SRGAP3: variants seen among roughly 807,000 people sequenced by gnomAD.
SRGAP3 encodes SLIT-ROBO Rho GTPase-activating protein 3.
A neutral mutation model predicts 121.1 loss-of-function variants in SRGAP3; 39 were observed. The ratio of observed to expected loss-of-function variants is 0.32; its 90% confidence interval spans 0.25 to 0.42. The LOEUF is 0.42. SRGAP3 is among the 10% of genes least tolerant of loss of function. SRGAP3 has a pLI of 1.00. For synonymous variants in SRGAP3, 601 were observed against 570.0 expected (o/e 1.05, Z -0.77); for missense variants, 1,213 against 1,470.6 (o/e 0.82, Z 2.86).
intron 2 of SRGAP3, among the ~76,000 whole-genome samples, chr3:9,111,025 G>A (rs1371796883): frequency 1.3e-5 from 2 of 152,236 alleles, no homozygotes; most frequent in Non-Finnish European, 2.9e-5. Flanking sequence ...GGGCTTAAAT[G>A]CCAGAAGAGA....
chr3:9,141,851 G>A (rs138383363), intron 1 of SRGAP3, among the ~76,000 whole-genome samples: 1 of 152,268 alleles, frequency 6.6e-6, no homozygotes, highest in Non-Finnish European at 1.5e-5. Context: ...GAGGATAGAT[G>A]GAGGCTGGCA....
intron 1 of SRGAP3, among the ~76,000 whole-genome samples, chr3:9,232,766 G>A (rs114123110): frequency 6.4e-4 from 98 of 152,252 alleles, no homozygotes; most frequent in African/African-American, 2.4e-3. Context: ...TGATTCAGTA[G>A]GTCTGGGGTG....
At chr3:9,038,831 C>A (rs1190490908) in intron 10 of SRGAP3, among the ~76,000 whole-genome samples, 1 of 152,166 alleles carries the variant, frequency 6.6e-6, no homozygotes, top group Non-Finnish European at 1.5e-5. Flanking sequence ...CTAGCATCAC[C>A]AATCTCCTCT....
chr3:9,176,307 A>G (rs1048735029), intron 1 of SRGAP3, among the ~76,000 whole-genome samples: 2 of 152,242 alleles, frequency 1.3e-5, no homozygotes, highest in African/African-American at 2.4e-5. Context: ...GGCTATGATG[A>G]GATGGCATGA....
chr3:8,999,050 C>T (rs1216295423), intron 18 of SRGAP3, among the ~76,000 whole-genome samples: 1 of 152,212 alleles, frequency 6.6e-6, no homozygotes, highest in Non-Finnish European at 1.5e-5. Flanking sequence ...TATAGATATA[C>T]AATGCTCTGT....
At chr3:9,139,242 T>C (rs891161826) in intron 1 of SRGAP3, among the ~76,000 whole-genome samples, 2 of 152,244 alleles carry the variant, frequency 1.3e-5, no homozygotes, top group Non-Finnish European at 2.9e-5. Context: ...GGCTGAATAA[T>C]GACCCCCAAG....
At chr3:9,136,681 G>A (rs1949677005) in intron 1 of SRGAP3, among the ~76,000 whole-genome samples, 2 of 152,342 alleles carry the variant, frequency 1.3e-5, no homozygotes, top group South Asian at 4.1e-4. Flanking sequence ...TTTTACAGAT[G>A]AGGAAATTGA....
In SRGAP3 at chr3:9,249,368, A is replaced by G. The variant is rs564426508; in HGVS notation, c.-417T>C. On this transcript the variant is annotated 5_prime_UTR_variant, in exon 1 of 22. It removes an upstream start codon present in the reference 5' UTR. Transcript: ENST00000383836. ...ACACAGTTGTGCTGTGCACACAGGCATACACACACACACCCTCACACGCAC... is the reference window on the plus strand; with the variant it reads ...ACACAGTTGTGCTGTGCACACAGGCGTACACACACACACCCTCACACGCAC... 1.1e-5 allele frequency: 4 copies of G among 366,408 alleles called. No homozygotes were observed. In the East Asian group the frequency reaches 1.8e-4, roughly 16 times the overall value. The allele number at this position is 366,408 out of a possible 1,614,324, so 22.7% of individuals were successfully genotyped here. A position where few individuals can be genotyped will look rare whatever the true frequency, so the allele number is the denominator to read the frequency against.
intron 2 of SRGAP3, among the ~76,000 whole-genome samples, chr3:9,105,176 T>G (rs1575080622): frequency 6.6e-6 from 1 of 152,232 alleles, no homozygotes. Flanking sequence ...TTTTTAAATA[T>G]TATACTTGTA....
rs112701214 is a variant in SRGAP3 at position 9,227,923 on chromosome 3, G to A, written c.67+20962C>T. 1.0e-3 allele frequency among the ~76,000 whole-genome samples: 159 copies of A among 152,280 alleles called. 1 individual carries two copies. The highest frequency in any genetic ancestry group is 3.8e-3 in the African/African-American group (157 of 41,566). On this transcript the variant is annotated intron_variant, in intron 1 of 21. Coordinates refer to ENST00000383836, the MANE Select transcript of SRGAP3 (RefSeq NM_014850.4). ...AAAGGTTTTACTGGAAGTAATGACA[G>A]GGAGTCTCCATGGTGAAGTTTGAAA... is the stretch of plus-strand genomic sequence containing the variant.
At chr3:9,030,221 T>C (rs1437525825) in intron 12 of SRGAP3, among the ~76,000 whole-genome samples, 1 of 152,198 alleles carries the variant, frequency 6.6e-6, no homozygotes, top group Non-Finnish European at 1.5e-5. Flanking sequence ...CACACCTTTT[T>C]TCCCAGTCAA....
chr3:9,078,239 A>G (rs753170669), intron 4 of SRGAP3, among the ~76,000 whole-genome samples: 2 of 152,132 alleles, frequency 1.3e-5, no homozygotes, highest in Non-Finnish European at 2.9e-5. Flanking sequence ...TCACAGCAAA[A>G]GTAAGAGACC....
intron 1 of SRGAP3, among the ~76,000 whole-genome samples, chr3:9,140,122 T>TACACACACAC (rs35572227): frequency 2.9e-4 from 40 of 140,118 alleles, no homozygotes; most frequent in African/African-American, 9.5e-4. Flanking sequence ...CTCAGAGGCA[T>TACACACACAC]ACACACACAC....
chr3:9,152,278 A>G (rs1048623262), intron 1 of SRGAP3, among the ~76,000 whole-genome samples: 2 of 152,228 alleles, frequency 1.3e-5, no homozygotes, highest in Non-Finnish European at 2.9e-5. Context: ...ATGTTGGCAT[A>G]ACATGATCCA....
chr3:8,994,371 G>C lies in SRGAP3; in HGVS notation c.2380C>G (p.Pro794Ala). The change falls in exon 19 of 22, where the codon CCC (proline) becomes GCC (alanine). Residue 794 changes from proline to alanine, a missense_variant. Coordinates refer to ENST00000383836, the MANE Select transcript of SRGAP3 (RefSeq NM_014850.4). ...TCCTGTACAACTATGTACTGATGGGGGATGAGTCCATCCACGCCGTTGTGC... is the reference window on the plus strand; with the variant it reads ...TCCTGTACAACTATGTACTGATGGGCGATGAGTCCATCCACGCCGTTGTGC... ...GRHNGVDGLI[P>A]HQYIVVQDMD... is the part of the protein sequence containing the mutation. The C allele has an allele frequency of 1.9e-6, 3 of 1,614,164 alleles. No individual in the cohort carries two copies. The highest frequency in any genetic ancestry group is 1.7e-6 in the Non-Finnish European group (2 of 1,180,048).
intron 5 of SRGAP3, 129 bp downstream of exon 5, chr3:9,064,267 C>CT (rs1404754755): frequency 6.3e-6 from 8 of 1,263,630 alleles, no homozygotes; most frequent in Non-Finnish European, 5.5e-6. Flanking sequence ...TTGTCCCATC[C>CT]CCCCTACCCA....
At chr3:9,174,713 G>A (rs1370630570) in intron 1 of SRGAP3, among the ~76,000 whole-genome samples, 3 of 152,212 alleles carry the variant, frequency 2.0e-5, no homozygotes, top group South Asian at 4.1e-4. Flanking sequence ...GCACCCAGAC[G>A]GGAGTGAGGG....
chr3:9,081,565 A>C (rs1307689621), intron 3 of SRGAP3, among the ~76,000 whole-genome samples: 4 of 152,226 alleles, frequency 2.6e-5, no homozygotes, highest in African/African-American at 9.6e-5. Flanking sequence ...TTTGAGAAAA[A>C]GCTAATTGAA....
At chr3:9,334,781 G>T (rs769820608) in intron 1 of SRGAP3, among the ~76,000 whole-genome samples, 3 of 152,194 alleles carry the variant, frequency 2.0e-5, no homozygotes, top group Non-Finnish European at 4.4e-5. Flanking sequence ...AAAGTGATAG[G>T]ATGAGAAATC....
Sources: allele counts gnomAD v4.1 joint callset (sites outside exome capture counted in the v4.1 genomes callset), GRCh38; gene constraint gnomAD v4.1.1; transcripts MANE v1.5; gene names NCBI Gene and HGNC (gene_info 2026-07-23, HGNC 2026-07-21).